ZMAT4: variants seen among roughly 807,000 people sequenced by gnomAD.
ZMAT4 encodes the protein zinc finger matrin-type 4.
Under a neutral mutation model 28.7 loss-of-function variants are expected in ZMAT4, and 17 were observed. That is an observed-to-expected ratio of 0.59 (90% CI 0.41 to 0.89). The LOEUF is 0.89. Among genes scored for constraint, ZMAT4 ranks in the 40% least tolerant of loss-of-function variants. The pLI is 0.00. For synonymous variants in ZMAT4, 117 were observed against 109.2 expected (o/e 1.07, Z -0.44); for missense variants, 240 against 283.8 (o/e 0.85, Z 1.11).
At chr8:40,877,335 A>G (rs1469426499) in intron 1 of ZMAT4, among the ~76,000 whole-genome samples, 2 of 152,184 alleles carry the variant, frequency 1.3e-5, no homozygotes, top group Non-Finnish European at 2.9e-5. Flanking sequence ...TTACGACTGC[A>G]CTAGTAACTA....
At chr8:40,703,554 G>A (rs1027530217) in intron 3 of ZMAT4, among the ~76,000 whole-genome samples, 2 of 152,180 alleles carry the variant, frequency 1.3e-5, no homozygotes, top group African/African-American at 4.8e-5. Flanking sequence ...GAGTGAATTA[G>A]TGATTGTCTA....
At chr8:40,678,508 G>T (rs1809004787) in intron 4 of ZMAT4, among the ~76,000 whole-genome samples, 1 of 152,194 alleles carries the variant, frequency 6.6e-6, no homozygotes. Context: ...TGTCCCACAA[G>T]ATGCTACTGA....
intron 1 of ZMAT4, among the ~76,000 whole-genome samples, chr8:40,859,781 T>G (rs1208694110): frequency 6.6e-6 from 1 of 151,352 alleles, no homozygotes; most frequent in East Asian, 1.9e-4. Context: ...CCAAGTTAGG[T>G]CATGAGGGGT....
chr8:40,788,430 C>CA (rs1814177306), intron 2 of ZMAT4, among the ~76,000 whole-genome samples: 1 of 151,896 alleles, frequency 6.6e-6, no homozygotes, highest in Non-Finnish European at 1.5e-5. Context: ...TAAAAAATAC[C>CA]AAAAATTAGC....
chr8:40,535,051 A>G (rs1802804829), intron 6 of ZMAT4, among the ~76,000 whole-genome samples: 1 of 152,134 alleles, frequency 6.6e-6, no homozygotes, highest in African/African-American at 2.4e-5. Context: ...GGTCTCAGGA[A>G]GCAGTTAGAA....
At chr8:40,663,596 A>G (rs1370828859) in intron 5 of ZMAT4, among the ~76,000 whole-genome samples, 1 of 152,196 alleles carries the variant, frequency 6.6e-6, no homozygotes, top group Non-Finnish European at 1.5e-5. Context: ...CCCCAATAAT[A>G]TGACAGGAAC....
At chr8:40,833,078 G>A (rs1816344698) in intron 1 of ZMAT4, among the ~76,000 whole-genome samples, 1 of 152,166 alleles carries the variant, frequency 6.6e-6, no homozygotes, top group African/African-American at 2.4e-5. Context: ...AGATTCAGGA[G>A]GCAAGCGGGT....
At chr8:40,810,043 TAAAA>T (rs1322818205) in intron 2 of ZMAT4, among the ~76,000 whole-genome samples, 4 of 151,790 alleles carry the variant, frequency 2.6e-5, no homozygotes, top group Non-Finnish European at 5.9e-5. Context: ...AACTCCGTCT[TAAAA>T]CAAACAAACA....
chr8:40,844,591 A>T (rs1455577564), intron 1 of ZMAT4, among the ~76,000 whole-genome samples: 1 of 151,448 alleles, frequency 6.6e-6, no homozygotes, highest in Non-Finnish European at 1.5e-5. Context: ...AATAAATCTC[A>T]TATATGTATA....
intron 5 of ZMAT4, among the ~76,000 whole-genome samples, chr8:40,657,011 A>G (rs911782323): frequency 6.6e-6 from 1 of 152,156 alleles, no homozygotes. Flanking sequence ...TGTGTGAATT[A>G]TGTCTCAGTA....
At chr8:40,558,143 T>C (rs765542637) in intron 6 of ZMAT4, among the ~76,000 whole-genome samples, 1 of 151,868 alleles carries the variant, frequency 6.6e-6, no homozygotes. Flanking sequence ...ATGGGTGTGG[T>C]GGGGAGGAGA....
chr8:40,576,320 G>T (rs909557179), intron 6 of ZMAT4, among the ~76,000 whole-genome samples: 1 of 151,554 alleles, frequency 6.6e-6, no homozygotes, highest in Non-Finnish European at 1.5e-5. Flanking sequence ...CAGCTCAAAA[G>T]TTCCCAAGTA....
chr8:40,833,860 T>G (rs1816381017), intron 1 of ZMAT4, among the ~76,000 whole-genome samples: 1 of 152,128 alleles, frequency 6.6e-6, no homozygotes, highest in Non-Finnish European at 1.5e-5. Flanking sequence ...CTGATGTTGC[T>G]CAGATAAAGG....
chr8:40,852,161 C>T (rs1020313083), intron 1 of ZMAT4, among the ~76,000 whole-genome samples: 1 of 152,160 alleles, frequency 6.6e-6, no homozygotes, highest in Admixed American at 6.5e-5. Context: ...GCTGGGATTA[C>T]AGGCCTAGCT....
intron 1 of ZMAT4, among the ~76,000 whole-genome samples, chr8:40,880,076 G>C (rs1185588598): frequency 6.6e-6 from 1 of 152,100 alleles, no homozygotes; most frequent in Non-Finnish European, 1.5e-5. Context: ...ATCAAAAGGT[G>C]CAGAAATCCG....
intron 3 of ZMAT4, among the ~76,000 whole-genome samples, chr8:40,765,554 G>A (rs1813122944): frequency 6.6e-6 from 1 of 152,070 alleles, no homozygotes. Context: ...TCAAAACCCA[G>A]GAAACAGCAG....
intron 5 of ZMAT4, among the ~76,000 whole-genome samples, chr8:40,635,230 G>A (rs28391255): frequency 0.011 from 1,634 of 152,270 alleles, 26 homozygotes; most frequent in African/African-American, 0.037. Flanking sequence ...TATAAAAGAT[G>A]GCTTAGGGAA....
At chr8:40,650,074 T>A (rs1234878298) in intron 5 of ZMAT4, among the ~76,000 whole-genome samples, 1 of 151,684 alleles carries the variant, frequency 6.6e-6, no homozygotes, top group Non-Finnish European at 1.5e-5. Flanking sequence ...ATAACTAAAA[T>A]CAGAGCAGAA....
intron 6 of ZMAT4, among the ~76,000 whole-genome samples, chr8:40,567,349 T>G (rs1428027760): frequency 6.6e-6 from 1 of 152,184 alleles, no homozygotes; most frequent in Non-Finnish European, 1.5e-5. Context: ...GATATTTATA[T>G]AAGTTTATAT....
Sources: allele counts gnomAD v4.1 joint callset (sites outside exome capture counted in the v4.1 genomes callset), GRCh38; gene constraint gnomAD v4.1.1; transcripts MANE v1.5; gene names NCBI Gene and HGNC (gene_info 2026-07-23, HGNC 2026-07-21).